PKLR: variants seen among roughly 807,000 people sequenced by gnomAD.
The protein encoded by PKLR is pyruvate kinase PKLR.
Under a neutral mutation model 53.6 loss-of-function variants are expected in PKLR, and 38 were observed. That is an observed-to-expected ratio of 0.71 (90% CI 0.55 to 0.93). PKLR has a LOEUF of 0.93. PKLR is among the 40% of genes least tolerant of loss of function. The pLI is 0.00. For synonymous variants in PKLR, 328 were observed against 316.2 expected, an observed-to-expected ratio of 1.04 and a Z score of -0.39; for missense variants, 702 against 787.3, an observed-to-expected ratio of 0.89 and a Z score of 1.30.
At chr1:155,298,643 A>AAC (rs1647734808) in intron 2 of PKLR, among the ~76,000 whole-genome samples, 1 of 144,332 alleles carries the variant, frequency 6.9e-6, no homozygotes, top group African/African-American at 2.6e-5. Flanking sequence ...TCTTTTTTTA[A>AAC]AAACAAACAA....
chr1:155,301,650 T>C (rs1648000316), upstream of PKLR, among the ~76,000 whole-genome samples: 1 of 152,180 alleles, frequency 6.6e-6, no homozygotes, highest in African/African-American at 2.4e-5. Context: ...GATATTTTTT[T>C]TTTGGCCAGT....
intron 2 of PKLR, among the ~76,000 whole-genome samples, chr1:155,298,044 T>C (rs547865478): frequency 6.6e-6 from 1 of 152,224 alleles, no homozygotes. Context: ...ACTTTTTCTT[T>C]CTTTTCTTTT....
chr1:155,304,358 C>T (rs536389883), upstream of PKLR, among the ~76,000 whole-genome samples: 8 of 146,820 alleles, frequency 5.4e-5, no homozygotes, highest in East Asian at 6.1e-4. Flanking sequence ...CACTTGAATC[C>T]GGGAGGCAGA....
chr1:155,291,978 G>A, intron 9 of PKLR, 41 bp from the exon 10 acceptor site: 1 of 1,586,752 alleles, frequency 6.3e-7, no homozygotes, highest in South Asian at 1.1e-5. Flanking sequence ...CAGCAAGAAA[G>A]TGGTGAACGA....
rs1403111874 is a variant in PKLR, at chr1:155,300,900, C to T, written c.100+396G>A. On this transcript the variant is annotated intron_variant, in intron 1 of 10. Coordinates refer to ENST00000342741, the MANE Select transcript of PKLR (RefSeq NM_000298.6). ...CCGCACCTTCCATGCCACTGCACAC[C>T]TCTCTGGGTCTCCCTCTCTGTGGGT... is the stretch of plus-strand genomic sequence containing the variant. The T allele has an allele frequency of 1.9e-6, 3 of 1,609,540 alleles. No individual in the cohort carries two copies. The East Asian group carries it at 6.7e-5, about 36-fold the overall frequency.
chr1:155,305,927 G>GGAATTAC (rs1394727272), upstream of PKLR, among the ~76,000 whole-genome samples: 3 of 151,650 alleles, frequency 2.0e-5, no homozygotes, highest in Non-Finnish European at 4.4e-5. Flanking sequence ...TTACAGGCAT[G>GGAATTAC]AGCCACCACG....
Position 155,295,647 on chromosome 1 carries a change from C to T in PKLR, c.375+18G>A, listed in dbSNP as rs771734912. On this transcript the variant is annotated intron_variant, in intron 3 of 10. Transcript: ENST00000342741. This position sits in a 1 kb window ranked among gnomAD's most constrained non-coding sequence, Gnocchi z 4.3. ...GCATCCTCCTGCCCCACCCACTGCC[C>T]GGCGGCCCGTCCCGCACCTCGTGGG... 2 of 1,614,060 alleles carry T rather than the reference C, an allele frequency of 1.2e-6. No individual in the cohort carries two copies. The highest frequency in any genetic ancestry group is 1.7e-5 in the Admixed American group (1 of 60,034).
At chr1:155,298,377 G>A (rs1203860822) in intron 2 of PKLR, among the ~76,000 whole-genome samples, 1 of 148,412 alleles carries the variant, frequency 6.7e-6, no homozygotes, top group Non-Finnish European at 1.5e-5. Flanking sequence ...TGCCCAGGCT[G>A]GGGTGCAATG....
At chr1:155,292,004 T>C in intron 9 of PKLR, 67 bp from the exon 10 acceptor site, 2 of 1,483,570 alleles carry the variant, frequency 1.3e-6, no homozygotes, top group East Asian at 4.6e-5. Flanking sequence ...GGAGAATCTT[T>C]GTTCCAGTTC....
intron 9 of PKLR, among the ~76,000 whole-genome samples, chr1:155,292,759 C>T (rs1557957105): frequency 1.3e-5 from 2 of 152,150 alleles, no homozygotes; most frequent in South Asian, 4.1e-4. Flanking sequence ...CTTAATATCT[C>T]CTGTTAATCC....
intron 10 of PKLR, 105 bp from the exon 11 acceptor site, chr1:155,290,783 G>C (rs1183840780): frequency 1.8e-5 from 13 of 730,808 alleles, no homozygotes; most frequent in African/African-American, 6.9e-5. Context: ...GAGGTCAGGA[G>C]TTTGAGACCA....
In PKLR at chr1:155,299,022, CTTTCTTTCTTTCTCTT is replaced by C. The variant is rs1427075866; in HGVS notation, c.283+1060_283+1075del. Among the ~76,000 whole-genome samples, 16 of 97,058 alleles carry C rather than the reference CTTTCTTTCTTTCTCTT, an allele frequency of 1.6e-4. No homozygotes were observed. The East Asian group carries it at 3.3e-3, about 20-fold the overall frequency. 63.7% of individuals were successfully genotyped at this position (97,058 alleles called of 152,430 possible). ...TCTTTCTTTCTTTCTTTCTTTCTTT[CTTTCTTTCTTTCTCTT>C]TCTTTCTTTCTTTCCTTCCTTCCTT... On this transcript the variant is annotated intron_variant, in intron 2 of 10. Coordinates refer to ENST00000342741, the MANE Select transcript of PKLR (RefSeq NM_000298.6).
At position 155,294,529 on chromosome 1, in the gene PKLR, G is replaced by C; in HGVS notation, c.918C>G (p.His306Gln). ...AVRAALGPEG[H>Q]GIKIISKIEN... is the part of the protein sequence containing the mutation. ...CAATTTTGCTGATGATCTTGATGCC[G>C]TGTCCTTCCGGACCCAGAGCAGCCC... The change falls in exon 6 of 11, where the codon CAC becomes CAG. Residue 306 changes from histidine (H) to glutamine (Q), a missense_variant. Transcript: ENST00000342741. 1.2e-6 allele frequency: 2 copies of C among 1,614,170 alleles called. No homozygotes were observed. Among genetic ancestry groups the C allele is most frequent in the Non-Finnish European group, 1.7e-6 (2 of 1,180,030 alleles).
Position 155,290,359 on chromosome 1 carries a change from C to G in PKLR, c.*213G>C. On this transcript the variant is annotated 3_prime_UTR_variant, in exon 11 of 11. Coordinates refer to ENST00000342741, the MANE Select transcript of PKLR (RefSeq NM_000298.6). The stretch of plus-strand genomic sequence containing the variant: ...CAGTGCATAATTGGACACAGACTTT[C>G]AGGACCTGTGTGAAATGGAGATGGG... The G allele has an allele frequency of 3.4e-6, 2 of 593,096 alleles. No individual in the cohort carries two copies. Among genetic ancestry groups the G allele is most frequent in the Admixed American group, 5.7e-5 (2 of 35,224 alleles). 36.7% of individuals were successfully genotyped at this position (593,096 alleles called of 1,614,324 possible). A position where few individuals can be genotyped will look rare whatever the true frequency, so the allele number is the denominator to read the frequency against.
intron 2 of PKLR, among the ~76,000 whole-genome samples, chr1:155,297,263 A>G (rs538511006): frequency 8.5e-5 from 13 of 152,070 alleles, no homozygotes; most frequent in African/African-American, 3.1e-4. Flanking sequence ...CCTCTATCAC[A>G]TTTGGATGGC....
rs1647979024 is a variant in PKLR, at chr1:155,301,331, T to A, written c.65A>T (p.Asp22Val). ...LRSWVSKSQR[D>V]LAKSILIGAP... ...CCCAATCAGGATGGACTTTGCTAAG[T>A]CTCTTTGGGACTTAGAGACCCATGA... is the stretch of plus-strand genomic sequence containing the variant. Residue 22 changes from aspartate to valine, a missense_variant, in exon 1 of 11, where the codon GAC becomes GTC. By Grantham distance (152) the Asp-to-Val change is radical. Around this residue, in one of 2 missense-constraint regions of PKLR, gnomAD observed 519 missense variants for 537.1 expected, o/e 0.97. Transcript: ENST00000342741. The A allele has an allele frequency of 5.6e-6, 9 of 1,614,064 alleles. No individual in the cohort carries two copies. The highest frequency in any genetic ancestry group is 1.3e-5 in the African/African-American group (1 of 75,004).
chr1:155,300,571 C>T (rs1647935426), intron 1 of PKLR, among the ~76,000 whole-genome samples: 1 of 152,050 alleles, frequency 6.6e-6, no homozygotes, highest in Non-Finnish European at 1.5e-5. Context: ...CTAACTCTAG[C>T]CCAAGTTCTT....
Position 155,294,659 on chromosome 1 carries a change from C to G in PKLR, c.788G>C (p.Gly263Ala), listed in dbSNP as rs867384868. The G allele has an allele frequency of 2.5e-6, 4 of 1,614,152 alleles. No individual in the cohort carries two copies. The highest frequency in any genetic ancestry group is 2.5e-6 in the Non-Finnish European group (3 of 1,180,050). Residue 263 changes from glycine to alanine, a missense_variant, in exon 6 of 11, where the codon GGG (glycine) becomes GCG (alanine). Physicochemically the swap from Gly to Ala is moderately conservative, Grantham distance 60. Coordinates refer to ENST00000342741, the MANE Select transcript of PKLR (RefSeq NM_000298.6). ...GTCTCGGACGTCCTGCTCGGACAGC[C>G]CGGGCAAGTCCACCTGGGCCCCTGG... ...NLPGAQVDLP[G>A]LSEQDVRDLR...
intron 2 of PKLR, among the ~76,000 whole-genome samples, chr1:155,298,445 T>C (rs1365165163): frequency 1.3e-5 from 2 of 150,172 alleles, no homozygotes; most frequent in African/African-American, 2.5e-5. Context: ...TCTCCTGCCT[T>C]AGCCTCCTGA....
Sources: gnomAD v4.1 joint callset for allele counts (sites outside exome capture counted in the v4.1 genomes callset) on GRCh38, gnomAD v4.1.1 for gene constraint, gnomAD v4.1.1 regional missense constraint, Gnocchi (gnomAD v3.1) non-coding constraint, MANE v1.5 for transcripts, NCBI Gene and HGNC (gene_info 2026-07-23, HGNC 2026-07-21) for gene names.